The following EIF3K variants were observed in gnomAD, a reference collection of about 807,000 sequenced individuals.
The protein encoded by EIF3K is eukaryotic translation initiation factor 3 subunit K.
In EIF3K, 27 loss-of-function variants were observed where a neutral mutation model predicts 34.2. That is an observed-to-expected ratio of 0.79 (90% CI 0.58 to 1.09). EIF3K has a LOEUF of 1.09. EIF3K is among the 50% of genes least tolerant of loss of function. The pLI, the probability that EIF3K is intolerant of heterozygous loss-of-function variation, is 0.00. For missense variants in EIF3K, 232 were observed against 275.4 expected (o/e 0.84, Z 1.11); for synonymous variants, 105 against 105.7 (o/e 0.99, Z 0.04).
At chr19:38,626,625 A>G (rs1185613273) in intron 4 of EIF3K, among the ~76,000 whole-genome samples, 1 of 152,176 alleles carries the variant, frequency 6.6e-6, no homozygotes, top group Non-Finnish European at 1.5e-5. Flanking sequence ...GCAACAGAGC[A>G]AGACCCTGTC....
Position 38,626,057 on chromosome 19 carries a change from G to A in EIF3K, c.309G>A (p.Leu103=), listed in dbSNP as rs369972003. 6.2e-7 allele frequency: 1 copy of A among 1,614,070 alleles called. No homozygotes were observed. Among genetic ancestry groups the A allele is most frequent in the Non-Finnish European group, 8.5e-7 (1 of 1,180,050 alleles). ...HQEERPIRQI[L]YLGDLLETCH... The stretch of plus-strand genomic sequence containing the variant: ...AAGAACGGCCAATCCGACAGATTTT[G>A]TACCTCGGGGACCTGCTGGAGACCT... The change falls in exon 4 of 8, where the codon TTG becomes TTA. Residue 103 remains leucine, a synonymous_variant. Coordinates refer to ENST00000248342, the MANE Select transcript of EIF3K (RefSeq NM_013234.4).
At chr19:38,627,972 T>C (rs530533123) in intron 4 of EIF3K, among the ~76,000 whole-genome samples, 4 of 150,720 alleles carry the variant, frequency 2.7e-5, no homozygotes, top group South Asian at 4.2e-4. Context: ...TGGCACAATC[T>C]CAACTCACTG....
chr19:38,624,013 C>T (rs1275358954), intron 2 of EIF3K, 64 bp from the exon 3 acceptor site: 1 of 1,608,710 alleles, frequency 6.2e-7, no homozygotes, highest in East Asian at 2.2e-5. Context: ...AGCTGCCTGG[C>T]ACCTGGTGAG....
chr19:38,622,407 A>G (rs546064702), intron 2 of EIF3K, among the ~76,000 whole-genome samples: 1 of 152,370 alleles, frequency 6.6e-6, no homozygotes, highest in Admixed American at 6.5e-5. Flanking sequence ...CTCACAAGCC[A>G]CAAAAACCAG....
intron 2 of EIF3K, among the ~76,000 whole-genome samples, chr19:38,620,849 G>A (rs578201786): frequency 1.9e-4 from 29 of 151,724 alleles, no homozygotes; most frequent in East Asian, 5.8e-4. Flanking sequence ...AACCAAGATC[G>A]CGCCATTGCA....
rs1976090960 is a variant in EIF3K, at chr19:38,632,491, G to A, written c.416G>A (p.Arg139Gln). ...EGITGFEDSV[R>Q]KFICHVVGIT... ...ATAACTGGCTTTGAAGACTCTGTCC[G>A]AAAGTGTAAGTCCCTCTCTGAGGCT... The change falls in exon 5 of 8, where the codon CGA becomes CAA. Residue 139 changes from arginine to glutamine, a missense_variant. By Grantham distance (43) the Arg-to-Gln change is conservative (BLOSUM62 1). Coordinates refer to ENST00000248342, the MANE Select transcript of EIF3K (RefSeq NM_013234.4). 3 of 1,614,066 alleles carry A rather than the reference G, an allele frequency of 1.9e-6. No homozygotes were observed. Among genetic ancestry groups the A allele is most frequent in the Admixed American group, 1.7e-5 (1 of 60,004 alleles).
At chr19:38,623,986 A>G (rs1204136809) in intron 2 of EIF3K, 91 bp from the exon 3 acceptor site, 2 of 1,583,698 alleles carry the variant, frequency 1.3e-6, no homozygotes, top group African/African-American at 2.7e-5. Context: ...TCCAATTCCC[A>G]AACTCCAGAA....
At chr19:38,624,400 A>C (rs898529811) in intron 3 of EIF3K, among the ~76,000 whole-genome samples, 13 of 152,100 alleles carry the variant, frequency 8.5e-5, no homozygotes, top group Admixed American at 6.6e-4. Context: ...GTCGCAGTCC[A>C]GTGAAGAGTC....
intron 7 of EIF3K, 184 bp downstream of exon 7, chr19:38,635,302 G>C: frequency 1.2e-6 from 1 of 822,408 alleles, no homozygotes; most frequent in Non-Finnish European, 1.9e-6. Flanking sequence ...CGGGGAGCTG[G>C]GTGATCTTCC....
At chr19:38,624,591 A>C (rs1230022447) in intron 3 of EIF3K, among the ~76,000 whole-genome samples, 2 of 152,122 alleles carry the variant, frequency 1.3e-5, no homozygotes, top group Non-Finnish European at 2.9e-5. Context: ...ACAAAAAATT[A>C]GCCAGGCACA....
chr19:38,620,418 C>T lies in EIF3K; in HGVS notation c.141C>T (p.Asn47=). 1 of 1,613,798 alleles carries T rather than the reference C, an allele frequency of 6.2e-7. No individual in the cohort carries two copies. Among genetic ancestry groups the T allele is most frequent in the Non-Finnish European group, 8.5e-7 (1 of 1,179,894 alleles). The change falls in exon 2 of 8, where the codon AAC becomes AAT. Residue 47 remains asparagine (N), a synonymous_variant. Transcript: ENST00000248342. ...AAAATGCCTATGATCTGGAAGCCAA[C>T]CTGGCTGTCCTGAAGCTGTAAGTGT... The part of the protein sequence containing the change: ...AKENAYDLEA[N]LAVLKLYQFN...
chr19:38,634,912 C>T (rs1976155784), intron 6 of EIF3K, 81 bp from the exon 7 acceptor site: 4 of 1,590,898 alleles, frequency 2.5e-6, no homozygotes, highest in Non-Finnish European at 3.4e-6. Flanking sequence ...GCTTCCTGAG[C>T]CATGACTCTG....
intron 6 of EIF3K, 158 bp downstream of exon 6, chr19:38,632,836 C>G: frequency 1.6e-6 from 1 of 616,744 alleles, no homozygotes; most frequent in East Asian, 2.9e-5. Flanking sequence ...AAGACAGTCT[C>G]TGCCTTGAGG....
At chr19:38,634,880 G>T in intron 6 of EIF3K, 113 bp from the exon 7 acceptor site, 1 of 1,479,312 alleles carries the variant, frequency 6.8e-7, no homozygotes, top group Non-Finnish European at 9.1e-7. Flanking sequence ...GGAGATGTCA[G>T]TGGGCAAGGG....
In EIF3K at chr19:38,620,462, TC is replaced by T. The variant is rs752539156; in HGVS notation, c.158+30del. 45 of 1,601,002 alleles carry T rather than the reference TC, an allele frequency of 2.8e-5. No homozygotes were observed. In the East Asian group the frequency reaches 9.6e-4, roughly 34 times the overall value. On this transcript the variant is annotated intron_variant, in intron 2 of 7. Coordinates refer to ENST00000248342, the MANE Select transcript of EIF3K (RefSeq NM_013234.4). ...TAAGTGTCTAGCTCTCTGTCTACAC[TC>T]CCATTGCAGCAACTAGCAGGGTGCC...
chr19:38,619,460 T>TATCTC, intron 1 of EIF3K, 133 bp downstream of exon 1: 2 of 1,006,256 alleles, frequency 2.0e-6, no homozygotes, highest in Non-Finnish European at 1.5e-6. Flanking sequence ...GAGGAGGAGA[T>TATCTC]GCTTAAAGAA....
chr19:38,634,237 T>C (rs1204912226), intron 6 of EIF3K, among the ~76,000 whole-genome samples: 1 of 148,782 alleles, frequency 6.7e-6, no homozygotes, highest in Non-Finnish European at 1.5e-5. Context: ...GCTGAGACTA[T>C]AGGCCTCTGC....
chr19:38,628,445 G>GAA, intron 4 of EIF3K: 1 of 152,438 alleles, frequency 6.6e-6, no homozygotes, highest in African/African-American at 2.4e-5. Flanking sequence ...ACCCCCACAG[G>GAA]GTCTCCATCC....
At chr19:38,629,757 G>T (rs1976022042) in intron 4 of EIF3K, among the ~76,000 whole-genome samples, 1 of 152,170 alleles carries the variant, frequency 6.6e-6, no homozygotes, top group Non-Finnish European at 1.5e-5. Flanking sequence ...CCATACACAG[G>T]CCCTGAGGTA....
Sources: allele counts gnomAD v4.1 joint callset (sites outside exome capture counted in the v4.1 genomes callset), GRCh38; gene constraint gnomAD v4.1.1; transcripts MANE v1.5; gene names NCBI Gene and HGNC (gene_info 2026-07-23, HGNC 2026-07-21).